The following ACBD6 variants were observed in gnomAD, a reference collection of about 807,000 sequenced individuals.
ACBD6 encodes acyl-CoA binding domain containing 6, also known as acyl-CoA-binding domain-containing protein 6.
ACBD6 carries 28 observed loss-of-function variants against 37.2 expected under a neutral mutation model. That is an observed-to-expected ratio of 0.75 (90% CI 0.56 to 1.03). The LOEUF (loss-of-function observed/expected upper bound fraction) is 1.03, where lower values mean the gene tolerates loss of function less well. ACBD6 is among the 50% of genes least tolerant of loss of function. The pLI, the probability that ACBD6 is intolerant of heterozygous loss-of-function variation, is 0.00. For missense variants in ACBD6, 340 were observed against 337.4 expected, an observed-to-expected ratio of 1.01 and a Z score of -0.06; for synonymous variants, 113 against 126.8, an observed-to-expected ratio of 0.89 and a Z score of 0.73.
intron 5 of ACBD6, among the ~76,000 whole-genome samples, chr1:180,409,720 C>T (rs1363589751): frequency 6.6e-6 from 1 of 152,164 alleles, no homozygotes; most frequent in Non-Finnish European, 1.5e-5. Flanking sequence ...GTCTCTCCCC[C>T]TCTCTTCAGG....
intron 7 of ACBD6, among the ~76,000 whole-genome samples, chr1:180,304,006 CAT>C (rs1316564770): frequency 6.6e-6 from 1 of 150,826 alleles, no homozygotes; most frequent in Admixed American, 6.6e-5. Context: ...TGACAAAAAT[CAT>C]ATGATTATCT....
In ACBD6 at chr1:180,474,900, C is replaced by A. The variant is rs116804180; in HGVS notation, c.384+17369G>T. On this transcript the variant is annotated intron_variant, in intron 3 of 7. Transcript: ENST00000367595. The stretch of plus-strand genomic sequence containing the variant: ...TGTCTCCCTATAATTTACTGTCCAA[C>A]TGGGACATTTTCTACATGTCCCTTT... Among the ~76,000 whole-genome samples, 718 of 152,310 alleles carry A rather than the reference C, an allele frequency of 4.7e-3. 4 individuals carry two copies. The highest frequency in any genetic ancestry group is 0.016 in the African/African-American group (680 of 41,572).
intron 6 of ACBD6, among the ~76,000 whole-genome samples, chr1:180,327,491 C>T (rs1053710008): frequency 6.6e-6 from 1 of 152,142 alleles, no homozygotes; most frequent in African/African-American, 2.4e-5. Flanking sequence ...TGTGATTGCT[C>T]ATCTGATTTT....
At chr1:180,484,721 C>T (rs149207128) in intron 3 of ACBD6, among the ~76,000 whole-genome samples, 27 of 152,134 alleles carry the variant, frequency 1.8e-4, no homozygotes, top group Admixed American at 1.0e-3. Flanking sequence ...TGTGTATCTA[C>T]GCACGTATGT....
chr1:180,495,537 A>G lies in ACBD6; in HGVS notation c.223-12T>C. The G allele has an allele frequency of 6.3e-7, 1 of 1,587,096 alleles. No individual in the cohort carries two copies. Among genetic ancestry groups the G allele is most frequent in the Non-Finnish European group, 8.6e-7 (1 of 1,156,490 alleles). ...TTTCCAACTTTGACCTAAATGAGGG[A>G]AGGAAAATCAAGAACTTATTTTTCA... On this transcript the variant is annotated splice_polypyrimidine_tract_variant and intron_variant, in intron 1 of 7. Transcript: ENST00000367595.
chr1:180,435,785 T>G (rs1649013209), intron 3 of ACBD6: 1 of 891,988 alleles, frequency 1.1e-6, no homozygotes, highest in African/African-American at 1.6e-5. Flanking sequence ...CTCTGACAGC[T>G]GCTTCTCGGC....
intron 6 of ACBD6, among the ~76,000 whole-genome samples, chr1:180,356,923 G>T (rs1388418109): frequency 6.6e-6 from 1 of 151,220 alleles, no homozygotes; most frequent in Non-Finnish European, 1.5e-5. Context: ...AATTCCTTAT[G>T]GTTACACTTC....
intron 6 of ACBD6, among the ~76,000 whole-genome samples, chr1:180,394,084 T>C (rs1654170245): frequency 6.6e-6 from 1 of 152,168 alleles, no homozygotes; most frequent in African/African-American, 2.4e-5. Context: ...TGTGTTTGGT[T>C]CAAAAAACTG....
chr1:180,306,771 C>T (rs1038368259), intron 7 of ACBD6, among the ~76,000 whole-genome samples: 9 of 152,150 alleles, frequency 5.9e-5, no homozygotes, highest in Admixed American at 1.3e-4. Flanking sequence ...GTAAGTATAT[C>T]TTCAAATATT....
chr1:180,287,851 C>T (rs1571318656), downstream of ACBD6, among the ~76,000 whole-genome samples: 4 of 152,170 alleles, frequency 2.6e-5, no homozygotes, highest in Middle Eastern at 0.01. Context: ...TCTGCTTTCT[C>T]CTTTGCTTTG....
At chr1:180,309,393 C>T (rs542287815) in intron 7 of ACBD6, among the ~76,000 whole-genome samples, 2 of 152,260 alleles carry the variant, frequency 1.3e-5, no homozygotes, top group African/African-American at 2.4e-5. Flanking sequence ...GGCATTCACT[C>T]CTAATGGTTA....
chr1:180,386,929 T>C (rs977868928), intron 6 of ACBD6, among the ~76,000 whole-genome samples: 3 of 152,172 alleles, frequency 2.0e-5, no homozygotes, highest in Non-Finnish European at 4.4e-5. Context: ...CCTTTTACCA[T>C]TCGAGTTGTG....
chr1:180,402,574 T>A (rs1053617766), intron 5 of ACBD6, among the ~76,000 whole-genome samples: 1 of 152,090 alleles, frequency 6.6e-6, no homozygotes, highest in Non-Finnish European at 1.5e-5. Context: ...GTCCCAGTAT[T>A]TTGGAAGGCC....
chr1:180,425,523 T>C (rs924569884), intron 4 of ACBD6, among the ~76,000 whole-genome samples: 1 of 152,218 alleles, frequency 6.6e-6, no homozygotes, highest in African/African-American at 2.4e-5. Flanking sequence ...AAGGCAGTGG[T>C]ATCATTAGGA....
At chr1:180,490,192 G>A (rs765166098) in intron 3 of ACBD6, among the ~76,000 whole-genome samples, 6 of 152,200 alleles carry the variant, frequency 3.9e-5, no homozygotes, top group Non-Finnish European at 7.3e-5. Flanking sequence ...TAAACATTGT[G>A]CAACAGTTGT....
intron 2 of ACBD6, among the ~76,000 whole-genome samples, chr1:180,493,939 T>C (rs1239211036): frequency 6.6e-6 from 1 of 152,224 alleles, no homozygotes; most frequent in African/African-American, 2.4e-5. Context: ...TAGAATTGGG[T>C]TAAATTATTT....
chr1:180,322,741 CT>C (rs550001607), intron 6 of ACBD6, among the ~76,000 whole-genome samples: 221 of 140,870 alleles, frequency 1.6e-3, no homozygotes, highest in East Asian at 1.8e-3. Context: ...TGGGTCTTCT[CT>C]TTTTTTTTTT....
intron 6 of ACBD6, among the ~76,000 whole-genome samples, chr1:180,352,135 C>T (rs146052208): frequency 2.6e-5 from 4 of 151,834 alleles, no homozygotes; most frequent in African/African-American, 7.3e-5. Context: ...GGCCAGGAGG[C>T]GGGGTGGGGA....
rs200187045 is a variant in ACBD6 at position 180,274,566 on chromosome 1, A to C, written c.*936+85T>G. ...GGCTCTTGGCTCGATGAAATGGATC[A>C]TCCTCCTTTTTAAACTTCTCTCCTC... On this transcript the variant is annotated intron_variant, in intron 10 of 13. Coordinates refer to the ACBD6 transcript ENST00000642319. 1.7e-4 allele frequency: 271 copies of C among 1,579,494 alleles called. 2 individuals carry two copies. In the East Asian group the frequency reaches 6.0e-3, roughly 35 times the overall value.
Sources: allele counts gnomAD v4.1 joint callset (sites outside exome capture counted in the v4.1 genomes callset), GRCh38; gene constraint gnomAD v4.1.1; transcripts MANE v1.5; gene names NCBI Gene and HGNC (gene_info 2026-07-23, HGNC 2026-07-21).